The following ARHGAP22 variants were observed in gnomAD, a reference collection of about 807,000 sequenced individuals.
ARHGAP22 encodes the protein rho GTPase-activating protein 22.
In ARHGAP22, 48 loss-of-function variants were observed where a neutral mutation model predicts 59.1. The ratio of observed to expected loss-of-function variants is 0.81; its 90% CI spans 0.64 to 1.03. The LOEUF is 1.03. Among genes scored for constraint, ARHGAP22 ranks in the 50% least tolerant of loss-of-function variants. ARHGAP22 has a pLI of 0.00. For synonymous variants in ARHGAP22, 445 were observed against 416.4 expected, an observed-to-expected ratio of 1.07 and a Z score of -0.84; for missense variants, 1,015 against 958.7, an observed-to-expected ratio of 1.06 and a Z score of -0.78.
At chr10:48,524,242 C>A in intron 3 of ARHGAP22, 1 of 364,926 alleles carries the variant, frequency 2.7e-6, no homozygotes, top group South Asian at 1.1e-4. Context: ...CCGCGGCTCC[C>A]GGGCCCTCAC....
intron 3 of ARHGAP22, among the ~76,000 whole-genome samples, chr10:48,531,657 ACCGAAGTACAGAGAAGTGAGGG>A: frequency 2.5e-4 from 1 of 4,010 alleles, no homozygotes; most frequent in East Asian, 5.7e-4. Context: ...AGAGGAGGGC[ACCGAAGTACAGAGAAGTGAGGG>A]CACCGAAGTA....
chr10:48,643,258 T>C (rs966202369), intron 1 of ARHGAP22, among the ~76,000 whole-genome samples: 2 of 152,196 alleles, frequency 1.3e-5, no homozygotes, highest in African/African-American at 4.8e-5. Flanking sequence ...CAAAGGATTA[T>C]AAATCATGCT....
chr10:48,558,533 A>AT (rs1369586465), intron 2 of ARHGAP22, among the ~76,000 whole-genome samples: 2 of 151,646 alleles, frequency 1.3e-5, no homozygotes, highest in African/African-American at 4.9e-5. Context: ...AATTTTTGCT[A>AT]TTTTTTAATT....
rs571618825 is a variant in ARHGAP22, at chr10:48,592,034, C to CT, written c.35-8883_35-8882insA. ...CTAAAAATGTAAAAACCTGAGTGCCCGTTAGTAAGAAAATGGACAAACTGT... is the reference window on the plus strand; with the variant it reads ...CTAAAAATGTAAAAACCTGAGTGCCCTGTTAGTAAGAAAATGGACAAACTGT... On this transcript the variant is annotated intron_variant, in intron 1 of 9. Coordinates refer to ENST00000249601, the MANE Select transcript of ARHGAP22 (RefSeq NM_021226.4). 9.4e-3 allele frequency among the ~76,000 whole-genome samples: 1,430 copies of CT among 152,162 alleles called. 17 individuals carry two copies. The highest frequency in any genetic ancestry group is 0.033 in the African/African-American group (1,356 of 41,496).
intron 4 of ARHGAP22, among the ~76,000 whole-genome samples, chr10:48,471,104 T>C (rs1415369184): frequency 1.3e-5 from 2 of 152,180 alleles, no homozygotes; most frequent in Non-Finnish European, 2.9e-5. Context: ...GCTGTATTTC[T>C]CCCTTCTTTT....
In ARHGAP22 at chr10:48,480,868, C is replaced by T. The variant is rs542322303; in HGVS notation, c.323-1104G>A. Reference sequence around the variant, plus strand: ...CAAGTCCCGACTCTGGGCTCTCAGCCATCCCACTCTCCCTCCTGCCATCTC... The same window carrying T: ...CAAGTCCCGACTCTGGGCTCTCAGCTATCCCACTCTCCCTCCTGCCATCTC... On this transcript the variant is annotated intron_variant, in intron 3 of 9. Coordinates refer to ENST00000249601, the MANE Select transcript of ARHGAP22 (RefSeq NM_021226.4). 3.9e-5 allele frequency among the ~76,000 whole-genome samples: 6 copies of T among 152,356 alleles called. No individual in the cohort carries two copies. The South Asian group carries it at 1.2e-3, about 32-fold the overall frequency.
At chr10:48,558,951 G>A (rs1268890717) in intron 2 of ARHGAP22, among the ~76,000 whole-genome samples, 1 of 152,190 alleles carries the variant, frequency 6.6e-6, no homozygotes, top group African/African-American at 2.4e-5. Flanking sequence ...CTGTCGTGAG[G>A]ATTAAATGAT....
chr10:48,450,308 C>T lies in ARHGAP22; in HGVS notation c.1821G>A (p.Arg607=). Residue 607 remains arginine (R), a synonymous_variant, in exon 9 of 10, where the codon AGG becomes AGA. Transcript: ENST00000249601. ...CAGTCCGCTGGCGGCACAGCTCGGC[C>T]CTGAGCTCAGTGACCAGCCCCTGTA... ...EALQGLVTEL[R]AELCRQRTEY... 6.2e-7 allele frequency: 1 copy of T among 1,607,514 alleles called. No individual in the cohort carries two copies. Among genetic ancestry groups the T allele is most frequent in the Non-Finnish European group, 8.5e-7 (1 of 1,177,570 alleles).
intron 3 of ARHGAP22, among the ~76,000 whole-genome samples, chr10:48,530,403 C>G (rs2054728284): frequency 6.6e-6 from 1 of 151,878 alleles, no homozygotes; most frequent in African/African-American, 2.4e-5. Context: ...GCAACAAAAA[C>G]AAAGATAAAT....
chr10:48,451,427 A>G lies in ARHGAP22; in HGVS notation c.989-287T>C, dbSNP rs890306887. On this transcript the variant is annotated intron_variant, in intron 8 of 9. Coordinates refer to ENST00000249601, the MANE Select transcript of ARHGAP22 (RefSeq NM_021226.4). ...GCCCTCCAGCTGGGGTGGGGTGAGGAAGCAGGCACCAAGGCTGCACGGTGA... is the reference window on the plus strand; with the variant it reads ...GCCCTCCAGCTGGGGTGGGGTGAGGGAGCAGGCACCAAGGCTGCACGGTGA... The G allele has an allele frequency of 8.1e-5, 57 of 703,634 alleles. No individual in the cohort carries two copies. The Admixed American group carries it at 8.8e-4, about 11-fold the overall frequency. The allele number at this position is 703,634 out of a possible 1,614,324, so 43.6% of individuals were successfully genotyped here.
upstream of ARHGAP22, among the ~76,000 whole-genome samples, chr10:48,654,947 TTC>T (rs536889589): frequency 1.5e-4 from 15 of 97,270 alleles, no homozygotes; most frequent in South Asian, 3.5e-4. Context: ...CTCTCTTTCT[TTC>T]TCTCTTTCTC....
At chr10:48,637,221 T>A (rs1362692112) in intron 1 of ARHGAP22, among the ~76,000 whole-genome samples, 2 of 151,948 alleles carry the variant, frequency 1.3e-5, no homozygotes, top group African/African-American at 4.8e-5. Flanking sequence ...TGTGTCGAGG[T>A]GGGGGGCAAG....
intron 3 of ARHGAP22, among the ~76,000 whole-genome samples, chr10:48,523,462 G>A (rs2054003439): frequency 6.6e-6 from 1 of 152,228 alleles, no homozygotes; most frequent in Non-Finnish European, 1.5e-5. Flanking sequence ...CGTCCTAAGC[G>A]TGTTTCTGGG....
At chr10:48,548,923 G>T (rs931467658) in intron 3 of ARHGAP22, among the ~76,000 whole-genome samples, 1 of 152,214 alleles carries the variant, frequency 6.6e-6, no homozygotes, top group Non-Finnish European at 1.5e-5. Context: ...TCTGGGGTTA[G>T]AGCTGGCTCA....
At chr10:48,495,472 C>T (rs948074274) in intron 3 of ARHGAP22, among the ~76,000 whole-genome samples, 1 of 152,216 alleles carries the variant, frequency 6.6e-6, no homozygotes, top group African/African-American at 2.4e-5. Flanking sequence ...CAACTGCCCC[C>T]GGTCACCCAA....
intron 1 of ARHGAP22, among the ~76,000 whole-genome samples, chr10:48,593,841 C>A (rs1419277160): frequency 6.6e-6 from 1 of 152,182 alleles, no homozygotes; most frequent in African/African-American, 2.4e-5. Context: ...AAAGACATTG[C>A]AATGTATTCT....
In ARHGAP22 at chr10:48,629,753, T is replaced by C. The variant is rs1275444906; in HGVS notation, c.52+22481A>G. ...ATAAAATAGCTTGCTAGGATTTTGA[T>C]TGAGAATTCACTGAATCTATATAGA... On this transcript the variant is annotated intron_variant, in intron 1 of 9. Transcript: ENST00000435790. Among the ~76,000 whole-genome samples the C allele has an allele frequency of 2.6e-5, 4 of 152,252 alleles. No individual in the cohort carries two copies. The East Asian group carries it at 5.8e-4, about 22-fold the overall frequency.
chr10:48,521,576 A>G (rs1300429759), intron 3 of ARHGAP22, among the ~76,000 whole-genome samples: 1 of 152,224 alleles, frequency 6.6e-6, no homozygotes, highest in Non-Finnish European at 1.5e-5. Flanking sequence ...TTTAATTGAA[A>G]TGATATCAAT....
At chr10:48,651,240 C>T (rs1807794787) in intron 1 of ARHGAP22, among the ~76,000 whole-genome samples, 1 of 152,160 alleles carries the variant, frequency 6.6e-6, no homozygotes, top group African/African-American at 2.4e-5. Flanking sequence ...CTGCATTTCA[C>T]CCACTAGCTT....
Sources: gnomAD v4.1 joint callset for allele counts (sites outside exome capture counted in the v4.1 genomes callset) on GRCh38, gnomAD v4.1.1 for gene constraint, MANE v1.5 for transcripts, NCBI Gene and HGNC (gene_info 2026-07-23, HGNC 2026-07-21) for gene names.